Variants in C2orf74 observed in about 807,000 individuals in gnomAD.
C2orf74 encodes DPM1 ER membrane anchor 1.
C2orf74 carries 14 observed loss-of-function variants against 17.9 expected under a neutral mutation model. The ratio of observed to expected loss-of-function variants is 0.78; its 90% CI spans 0.52 to 1.22. The LOEUF (loss-of-function observed/expected upper bound fraction) is 1.22. C2orf74 is among the 50% of genes most tolerant of loss of function. The probability of loss-of-function intolerance (pLI) is 0.00; values close to 1 mark genes in which losing one functional copy is unlikely to be tolerated. For synonymous variants in C2orf74, 79 were observed against 72.6 expected, an observed-to-expected ratio of 1.09 and a Z score of -0.44; for missense variants, 217 against 218.4, an observed-to-expected ratio of 0.99 and a Z score of 0.04.
At chr2:61,162,997 G>A (rs1205135512) in intron 3 of C2orf74, 42 bp downstream of exon 3, 1 of 1,551,842 alleles carries the variant, frequency 6.4e-7, no homozygotes, top group Non-Finnish European at 8.7e-7. Context: ...TTTTGTGTTT[G>A]ATAGTGGGGA....
At chr2:61,154,425 G>T (rs1053713335) in intron 1 of C2orf74, among the ~76,000 whole-genome samples, 1 of 152,060 alleles carries the variant, frequency 6.6e-6, no homozygotes, top group Admixed American at 6.6e-5. Context: ...CCTGAATGGG[G>T]TCCTGGACCC....
intron 1 of C2orf74, chr2:61,151,693 G>A (rs1039754001): frequency 2.0e-5 from 3 of 152,096 alleles, no homozygotes; most frequent in Non-Finnish European, 4.4e-5. Flanking sequence ...CATGGCAACT[G>A]GCTTCTCCCA....
chr2:61,154,906 A>G (rs1476330092), intron 1 of C2orf74, among the ~76,000 whole-genome samples: 1 of 151,930 alleles, frequency 6.6e-6, no homozygotes, highest in East Asian at 1.9e-4. Flanking sequence ...AAAAAAAAAA[A>G]ATACAAAAAT....
At chr2:61,159,259 G>A, upstream of C2orf74, 1 of 357,148 alleles carries the variant, frequency 2.8e-6, no homozygotes, top group Non-Finnish European at 5.4e-6. Context: ...GCCTCCCAAA[G>A]TGCTGAGATT....
chr2:61,150,886 G>T (rs920065487), intron 1 of C2orf74, among the ~76,000 whole-genome samples: 3 of 152,196 alleles, frequency 2.0e-5, no homozygotes, highest in Non-Finnish European at 4.4e-5. Flanking sequence ...GTCTCCTGAG[G>T]TGTGCTGGCC....
Position 61,150,627 on chromosome 2 carries a change from C to T in C2orf74, c.-122+5431C>T, listed in dbSNP as rs541616433. 2.6e-5 allele frequency among the ~76,000 whole-genome samples: 4 copies of T among 152,266 alleles called. No homozygotes were observed. In the East Asian group the frequency reaches 7.7e-4, roughly 29 times the overall value. ...AGGAGACATGAGAGGCTCAGGAAAA[C>T]AAAGCTGACTGTCCTCACAGGCCCT... On this transcript the variant is annotated intron_variant, in intron 1 of 3. Transcript: ENST00000426997.
chr2:61,147,956 A>G (rs1022487007), intron 1 of C2orf74, among the ~76,000 whole-genome samples: 1 of 150,802 alleles, frequency 6.6e-6, no homozygotes, highest in Admixed American at 6.7e-5. Flanking sequence ...TTTAGTAGAG[A>G]TGGGGTTTTG....
At chr2:61,162,983 G>A in intron 3 of C2orf74, 28 bp downstream of exon 3, 1 of 1,551,762 alleles carries the variant, frequency 6.4e-7, no homozygotes, top group Non-Finnish European at 8.7e-7. Context: ...TGTGGCAGAG[G>A]CCATTTTGTG....
chr2:61,157,282 C>T (rs1685421406), upstream of C2orf74, among the ~76,000 whole-genome samples: 1 of 152,286 alleles, frequency 6.6e-6, no homozygotes, highest in South Asian at 2.1e-4. Context: ...CTCAAGTGAT[C>T]CACCTGCCTC....
chr2:61,163,876 G>T (rs1444377787), intron 4 of C2orf74, among the ~76,000 whole-genome samples: 3 of 152,034 alleles, frequency 2.0e-5, no homozygotes, highest in Admixed American at 2.0e-4. Context: ...TAGGGATCCA[G>T]CCCTCTCCTG....
chr2:61,163,186 A>G lies in C2orf74; in HGVS notation c.344A>G (p.Asn115Ser). ...DMEAEEENQI[N>S]EKQEPENAGE... Reference sequence around the variant, plus strand: ...GAGGCAGAAGAGGAGAACCAAATAAATGAGAAGCAAGAGCCTGAGAATGCT... The same window carrying G: ...GAGGCAGAAGAGGAGAACCAAATAAGTGAGAAGCAAGAGCCTGAGAATGCT... Residue 115 changes from asparagine (N) to serine (S), a missense_variant, in exon 4 of 5, where the codon AAT becomes AGT. Transcript: ENST00000432605. 1.3e-6 allele frequency: 2 copies of G among 1,552,440 alleles called. No individual in the cohort carries two copies. Among genetic ancestry groups the G allele is most frequent in the Non-Finnish European group, 1.7e-6 (2 of 1,147,134 alleles).
chr2:61,155,169 G>A (rs1685356492), intron 1 of C2orf74, among the ~76,000 whole-genome samples: 1 of 152,122 alleles, frequency 6.6e-6, no homozygotes, highest in Non-Finnish European at 1.5e-5. Context: ...TGTGATTCAG[G>A]GGTTTCTTTT....
chr2:61,153,821 A>G (rs1156512773), intron 1 of C2orf74, among the ~76,000 whole-genome samples: 24 of 150,186 alleles, frequency 1.6e-4, no homozygotes, highest in African/African-American at 5.6e-4. Context: ...CCTGGGAGGC[A>G]GAGGTTGCAG....
upstream of C2orf74, chr2:61,159,496 A>ATG (rs1685499848): frequency 5.7e-6 from 1 of 174,198 alleles, no homozygotes; most frequent in African/African-American, 2.4e-5. Flanking sequence ...GGGTTTCGCC[A>ATG]TGATGGCCAG....
upstream of C2orf74, chr2:61,157,754 C>T: frequency 2.4e-6 from 1 of 418,268 alleles, no homozygotes; most frequent in South Asian, 1.8e-5. Context: ...TCAGCCAGGC[C>T]TGAGTCCTGT....
intron 4 of C2orf74, 116 bp downstream of exon 4, chr2:61,163,348 C>T: frequency 8.9e-7 from 1 of 1,123,524 alleles, no homozygotes; most frequent in Non-Finnish European, 1.2e-6. Flanking sequence ...GTGGCTCACG[C>T]CTGTAATCCC....
chr2:61,150,909 C>G (rs1268031005), intron 1 of C2orf74, among the ~76,000 whole-genome samples: 2 of 152,164 alleles, frequency 1.3e-5, no homozygotes, highest in Admixed American at 6.5e-5. Context: ...ATGGAGTAGA[C>G]TTGGCTCTGG....
At chr2:61,149,220 TG>T (rs1685153062) in intron 1 of C2orf74, among the ~76,000 whole-genome samples, 1 of 152,062 alleles carries the variant, frequency 6.6e-6, no homozygotes, top group Admixed American at 6.6e-5. Flanking sequence ...AACGTTTTTG[TG>T]GGGGATTAGA....
upstream of C2orf74, chr2:61,157,771 T>C (rs7558954): frequency 0.42 from 177,850 of 427,836 alleles, 38,502 homozygotes; most frequent in Middle Eastern, 0.53. Context: ...CTGTGTCCAC[T>C]GCCCCTAGTT....
Sources: allele counts gnomAD v4.1 joint callset (sites outside exome capture counted in the v4.1 genomes callset), GRCh38; gene constraint gnomAD v4.1.1; transcripts MANE v1.5; gene names NCBI Gene and HGNC (gene_info 2026-07-23, HGNC 2026-07-21).